The following CTNNA2 variants were observed in gnomAD, a reference collection of about 807,000 sequenced individuals.
The protein encoded by CTNNA2 is catenin alpha 2.
CTNNA2 carries 42 observed loss-of-function variants against 101.0 expected under a neutral mutation model. The ratio of observed to expected loss-of-function variants is 0.42; its 90% CI spans 0.32 to 0.54. The LOEUF is 0.54. Ranked by LOEUF, CTNNA2 falls within the 20% of genes least tolerant of loss-of-function variation. The pLI, the probability that CTNNA2 is intolerant of heterozygous loss-of-function variation, is 0.14. For missense variants in CTNNA2, 871 were observed against 1,223.1 expected (o/e 0.71, Z 4.29); for synonymous variants, 450 against 456.4 (o/e 0.99, Z 0.18).
rs1265627826 is a variant in CTNNA2 at position 80,602,556 on chromosome 2, TACAA to T, written c.2190-1516_2190-1513del. ...AATAGATTTTCTAAGGTCTAGAAGT[TACAA>T]AGAAATATGCAATAATGAGAATATT... On this transcript the variant is annotated intron_variant, in intron 15 of 18. Transcript: ENST00000402739. Among the ~76,000 whole-genome samples the T allele has an allele frequency of 3.3e-5, 5 of 152,102 alleles. No homozygotes were observed. In the East Asian group the frequency reaches 5.8e-4, roughly 18 times the overall value.
intron 2 of CTNNA2, among the ~76,000 whole-genome samples, chr2:79,667,346 G>A (rs1390516535): frequency 6.6e-6 from 1 of 152,084 alleles, no homozygotes; most frequent in Non-Finnish European, 1.5e-5. Flanking sequence ...TTGGTTGTTT[G>A]GTTTTCTGGT....
chr2:79,812,013 T>C (rs1406246281), intron 3 of CTNNA2, among the ~76,000 whole-genome samples: 2 of 152,184 alleles, frequency 1.3e-5, no homozygotes, highest in Non-Finnish European at 2.9e-5. Context: ...CGATTTCCAA[T>C]TGTTTACTGA....
At chr2:79,884,182 C>T (rs1049264681) in intron 6 of CTNNA2, among the ~76,000 whole-genome samples, 1 of 152,028 alleles carries the variant, frequency 6.6e-6, no homozygotes, top group African/African-American at 2.4e-5. Flanking sequence ...TTTCTTTCTC[C>T]CAACTTGCCC....
intron 7 of CTNNA2, among the ~76,000 whole-genome samples, chr2:80,130,246 T>C (rs930676429): frequency 3.9e-5 from 6 of 152,178 alleles, no homozygotes; most frequent in Admixed American, 1.3e-4. Context: ...AACCATTATG[T>C]TACATAGAGA....
intron 3 of CTNNA2, among the ~76,000 whole-genome samples, chr2:79,832,940 C>A (rs1247882968): frequency 1.3e-5 from 2 of 152,174 alleles, no homozygotes; most frequent in African/African-American, 2.4e-5. Context: ...ATTACAGTTA[C>A]CCCTTTTTAC....
At chr2:80,381,045 C>T (rs565128118) in intron 7 of CTNNA2, among the ~76,000 whole-genome samples, 1 of 152,026 alleles carries the variant, frequency 6.6e-6, no homozygotes, top group Admixed American at 6.6e-5. Flanking sequence ...GGGAATGCCC[C>T]AAGAGATAGT....
Position 80,555,850 on chromosome 2 carries a change from T to C in CTNNA2, c.1698T>C (p.Tyr566=). 1.9e-6 allele frequency: 3 copies of C among 1,586,376 alleles called. No homozygotes were observed. Among genetic ancestry groups the C allele is most frequent in the South Asian group, 1.2e-5 (1 of 84,752 alleles). ...AEMENYEAGV[Y]TEKVLEATKL... is the part of the protein sequence containing the mutation. ...TGGAGAACTATGAAGCTGGGGTTTA[T>C]ACTGAGAAGGTGTTGGAAGCTACAA... is the stretch of plus-strand genomic sequence containing the variant. The change falls in exon 12 of 19, where the codon TAT becomes TAC. Residue 566 remains tyrosine, a synonymous_variant. Coordinates refer to ENST00000402739, the MANE Select transcript of CTNNA2 (RefSeq NM_001282597.3).
intron 4 of CTNNA2, among the ~76,000 whole-genome samples, chr2:79,457,990 A>C (rs748821015): frequency 6.6e-6 from 1 of 152,210 alleles, no homozygotes; most frequent in Non-Finnish European, 1.5e-5. Flanking sequence ...CATTATAGTC[A>C]CAAAATAAGA....
intron 8 of CTNNA2, among the ~76,000 whole-genome samples, chr2:80,400,801 T>A (rs1165961222): frequency 6.6e-6 from 1 of 152,190 alleles, no homozygotes; most frequent in East Asian, 1.9e-4. Context: ...CCTAATTCAC[T>A]GCTTTTCACA....
rs79746926 is a variant in CTNNA2, at chr2:79,895,429, G to C, written c.853-14165G>C. On this transcript the variant is annotated intron_variant, in intron 6 of 18. Transcript: ENST00000402739. The stretch of plus-strand genomic sequence containing the variant: ...TTCTTTCATCAGACATGAAATTTGA[G>C]TGTATAACCAGTTTGTGGTTATCAC... Among the ~76,000 whole-genome samples the C allele has an allele frequency of 2.8e-3, 420 of 152,196 alleles. 2 individuals are homozygous for C. The highest frequency in any genetic ancestry group is 9.8e-3 in the African/African-American group (408 of 41,538).
At chr2:79,892,168 C>G (rs1038896668) in intron 6 of CTNNA2, among the ~76,000 whole-genome samples, 2 of 152,060 alleles carry the variant, frequency 1.3e-5, no homozygotes, top group Admixed American at 1.3e-4. Flanking sequence ...TATATACATA[C>G]AGACACTTCA....
At position 80,314,927 on chromosome 2, in the gene CTNNA2, C is replaced by A. The variant is rs567178375; in HGVS notation, c.1057-78284C>A. The stretch of plus-strand genomic sequence containing the variant: ...CATTGTGAAAAGCATTTTCAAATTT[C>A]TGACTTCGTATTAGCCTGAAAACTG... On this transcript the variant is annotated intron_variant, in intron 7 of 18. Transcript: ENST00000402739. Among the ~76,000 whole-genome samples, 6 of 152,312 alleles carry A rather than the reference C, an allele frequency of 3.9e-5. No homozygotes were observed. The East Asian group carries it at 1.2e-3, about 29-fold the overall frequency.
chr2:79,642,556 C>T (rs1340147686), intron 1 of CTNNA2, among the ~76,000 whole-genome samples: 1 of 152,086 alleles, frequency 6.6e-6, no homozygotes. Flanking sequence ...TTAGATTGAG[C>T]AGAGTTAATG....
At chr2:79,209,855 C>T (rs1214681615) in intron 2 of CTNNA2, among the ~76,000 whole-genome samples, 5 of 104,804 alleles carry the variant, frequency 4.8e-5, no homozygotes, top group African/African-American at 1.8e-4. Context: ...CTTCCCTATA[C>T]TCTCCTGTTG....
At chr2:80,061,929 T>C (rs1481625215) in intron 7 of CTNNA2, among the ~76,000 whole-genome samples, 1 of 152,176 alleles carries the variant, frequency 6.6e-6, no homozygotes, top group Non-Finnish European at 1.5e-5. Flanking sequence ...CTACTGAAAG[T>C]AAAGCAAAAA....
At chr2:80,529,276 C>T (rs1475270612) in intron 9 of CTNNA2, among the ~76,000 whole-genome samples, 1 of 152,056 alleles carries the variant, frequency 6.6e-6, no homozygotes, top group African/African-American at 2.4e-5. Flanking sequence ...AGTGTAAAAC[C>T]ATTCTTAGCT....
chr2:80,079,746 G>T (rs561841621), intron 7 of CTNNA2, among the ~76,000 whole-genome samples: 1 of 151,604 alleles, frequency 6.6e-6, no homozygotes, highest in African/African-American at 2.4e-5. Context: ...CCCGGGAGGC[G>T]GAGCTTGCAG....
chr2:79,816,701 A>G (rs151087734), intron 3 of CTNNA2, among the ~76,000 whole-genome samples: 3 of 152,326 alleles, frequency 2.0e-5, no homozygotes, highest in South Asian at 4.1e-4. Context: ...TGCTGATGAT[A>G]CTAGCAATAC....
At chr2:79,666,119 T>A (rs902963498) in intron 2 of CTNNA2, among the ~76,000 whole-genome samples, 4 of 152,192 alleles carry the variant, frequency 2.6e-5, no homozygotes, top group Non-Finnish European at 4.4e-5. Flanking sequence ...CCTTTAACTA[T>A]TAAAAATTTC....
Sources: allele counts gnomAD v4.1 joint callset (sites outside exome capture counted in the v4.1 genomes callset), GRCh38; gene constraint gnomAD v4.1.1; transcripts MANE v1.5; gene names NCBI Gene and HGNC (gene_info 2026-07-23, HGNC 2026-07-21).